Variants in CASTOR2 observed in about 807,000 individuals in gnomAD.
CASTOR2 encodes GATS protein like 2.
CASTOR2 carries 8 observed loss-of-function variants against 31.2 expected under a neutral mutation model. That is an observed-to-expected ratio of 0.26 (90% CI 0.15 to 0.46). The LOEUF is 0.46. Among genes scored for constraint, CASTOR2 ranks in the 20% least tolerant of loss-of-function variants. The probability of loss-of-function intolerance (pLI) is 0.99; values close to 1 mark genes in which losing one functional copy is unlikely to be tolerated. For missense variants in CASTOR2, 216 were observed against 382.1 expected, an observed-to-expected ratio of 0.57 and a Z score of 3.62; for synonymous variants, 162 against 158.7, an observed-to-expected ratio of 1.02 and a Z score of -0.16.
chr7:74,993,080 G>GT (rs1313798194), intron 1 of CASTOR2, among the ~76,000 whole-genome samples: 1 of 151,850 alleles, frequency 6.6e-6, no homozygotes, highest in African/African-American at 2.4e-5. Flanking sequence ...CGCGCCTGTA[G>GT]TCCCAGCTAC....
At chr7:74,999,934 G>A (rs1287658371) in intron 1 of CASTOR2, among the ~76,000 whole-genome samples, 1 of 152,156 alleles carries the variant, frequency 6.6e-6, no homozygotes, top group Non-Finnish European at 1.5e-5. Flanking sequence ...GTTTTAAAAG[G>A]CCCCTGTCAG....
chr7:74,997,296 C>T (rs1180138167), intron 1 of CASTOR2, among the ~76,000 whole-genome samples: 1 of 151,996 alleles, frequency 6.6e-6, no homozygotes, highest in Non-Finnish European at 1.5e-5. Flanking sequence ...GTGCTTTTAT[C>T]TGCAAAGGGA....
At position 75,024,662 on chromosome 7, in the gene CASTOR2, T is replaced by G; in HGVS notation, c.953T>G (p.Ile318Ser). 6.4e-7 allele frequency: 1 copy of G among 1,551,568 alleles called. No individual in the cohort carries two copies. Among genetic ancestry groups the G allele is most frequent in the Non-Finnish European group, 8.7e-7 (1 of 1,146,846 alleles). Residue 318 changes from isoleucine to serine, a missense_variant, in exon 9 of 9, where the codon ATC becomes AGC. Physicochemically the swap from Ile to Ser is moderately radical, Grantham distance 142. This residue lies in a region of CASTOR2 where 31 missense variants were observed against 32.7 expected (regional missense o/e 0.95). Coordinates refer to ENST00000616305, the MANE Select transcript of CASTOR2 (RefSeq NM_001145064.3). ...LVPEENINGV[I>S]SALKVSQAEK... ...CCCGAAGAGAACATCAATGGTGTCA[T>G]CAGTGCCCTGAAGGTCAGCCAAGCA...
At chr7:75,017,263 A>G (rs1207317505) in intron 2 of CASTOR2, among the ~76,000 whole-genome samples, 85 of 152,286 alleles carry the variant, frequency 5.6e-4, no homozygotes, top group Admixed American at 2.2e-3. Context: ...CCTGGCCAAC[A>G]TGGTGAAACC....
Position 75,008,141 on chromosome 7 carries a change from GT to G in CASTOR2, c.184+78del, listed in dbSNP as rs1342777403. The G allele has an allele frequency of 6.1e-6, 9 of 1,473,684 alleles. No individual in the cohort carries two copies. In the East Asian group the frequency reaches 9.2e-5, roughly 15 times the overall value. 91.3% of individuals were successfully genotyped at this position (1,473,684 alleles called of 1,614,324 possible). On this transcript the variant is annotated intron_variant, in intron 2 of 8. Transcript: ENST00000616305. ...GCTGGCTGCCCACCTCCTTATTTCT[GT>G]CCCCCGCCCACCTCCTTATTTCTGC...
In CASTOR2 at chr7:75,026,912, C is replaced by A. The variant is rs891259326; in HGVS notation, c.*2213C>A. ...CAGAGTCGTGTGTCCCCTAGACTTC[C>A]TAGGACGTATCTATTGTACACACCT... is the stretch of plus-strand genomic sequence containing the variant. On this transcript the variant is annotated 3_prime_UTR_variant, in exon 9 of 9. Transcript: ENST00000616305. Among the ~76,000 whole-genome samples, 3 of 152,044 alleles carry A rather than the reference C, an allele frequency of 2.0e-5. No homozygotes were observed. The highest frequency in any genetic ancestry group is 4.4e-5 in the Non-Finnish European group (3 of 67,970).
intron 1 of CASTOR2, among the ~76,000 whole-genome samples, chr7:74,979,092 G>A (rs1218537287): frequency 1.3e-5 from 2 of 152,052 alleles, no homozygotes; most frequent in South Asian, 2.1e-4. Context: ...GCTTGACCCC[G>A]GGAGGTAGAG....
rs1321469010 is a variant in CASTOR2, at chr7:75,012,993, G to A, written c.185-4605G>A. On this transcript the variant is annotated intron_variant, in intron 2 of 8. Coordinates refer to ENST00000616305, the MANE Select transcript of CASTOR2 (RefSeq NM_001145064.3). Reference sequence around the variant, plus strand: ...TTTTGTAGAGGATTCTCACTATGTTGCCTATGCTGGTCTGGAACTCCTGGC... The same window carrying A: ...TTTTGTAGAGGATTCTCACTATGTTACCTATGCTGGTCTGGAACTCCTGGC... 3.3e-5 allele frequency among the ~76,000 whole-genome samples: 5 copies of A among 152,152 alleles called. No individual in the cohort carries two copies. The East Asian group carries it at 9.6e-4, about 29-fold the overall frequency.
chr7:75,016,192 C>T (rs1424086125), intron 2 of CASTOR2, among the ~76,000 whole-genome samples: 1 of 152,178 alleles, frequency 6.6e-6, no homozygotes, highest in Non-Finnish European at 1.5e-5. Context: ...GTATGAAGAG[C>T]CCCGAATGCA....
intron 1 of CASTOR2, among the ~76,000 whole-genome samples, chr7:74,989,122 G>A (rs1453759385): frequency 3.4e-4 from 51 of 151,792 alleles, no homozygotes; most frequent in African/African-American, 1.1e-3. Flanking sequence ...CACCATGCCC[G>A]GCTAATTTTT....
At chr7:75,003,076 A>G (rs1328795955) in intron 1 of CASTOR2, among the ~76,000 whole-genome samples, 3 of 152,180 alleles carry the variant, frequency 2.0e-5, no homozygotes, top group African/African-American at 7.2e-5. Context: ...AAGCAAGGAC[A>G]GGAGGGTTAA....
intron 2 of CASTOR2, among the ~76,000 whole-genome samples, chr7:75,009,109 G>A (rs1463622272): frequency 2.6e-4 from 37 of 143,020 alleles, no homozygotes; most frequent in African/African-American, 2.6e-4. Flanking sequence ...GGTGCCCGCC[G>A]CCACGCCCGG....
In CASTOR2 at chr7:75,028,157, G is replaced by A. The variant is rs1337690604; in HGVS notation, c.*3458G>A. The A allele has an allele frequency of 1.7e-5, 23 of 1,341,012 alleles. No individual in the cohort carries two copies. In the African/African-American group the frequency reaches 2.3e-4, roughly 13 times the overall value. 83.1% of individuals were successfully genotyped at this position (1,341,012 alleles called of 1,614,324 possible). A position where few individuals can be genotyped will look rare whatever the true frequency, so the allele number is the denominator to read the frequency against. ...TTTTGAGACGGAGTCTTGCTCTGTC[G>A]CCCAGGCTGGAGTGCTGTGGCATGA... On this transcript the variant is annotated 3_prime_UTR_variant, in exon 9 of 9. Transcript: ENST00000616305.
intron 7 of CASTOR2, among the ~76,000 whole-genome samples, chr7:75,023,861 C>T (rs1350360654): frequency 6.6e-6 from 1 of 152,184 alleles, no homozygotes; most frequent in Admixed American, 6.5e-5. Context: ...CATCTTGCAC[C>T]AGGCCCCACC....
At chr7:75,022,471 C>G (rs982256553) in intron 7 of CASTOR2, among the ~76,000 whole-genome samples, 2 of 85,032 alleles carry the variant, frequency 2.4e-5, no homozygotes, top group African/African-American at 3.9e-5. Context: ...TGCCATTGTA[C>G]TCCAACCTGG....
At position 75,021,907 on chromosome 7, in the gene CASTOR2, C is replaced by T. The variant is rs912651427; in HGVS notation, c.780C>T (p.Ser260=). 2.1e-4 allele frequency: 322 copies of T among 1,551,858 alleles called. 2 individuals carry two copies. In the East Asian group the frequency reaches 5.2e-3, roughly 25 times the overall value. Reference sequence around the variant, plus strand: ...GTAACTTGCTGTTCACAAGCGCATCCGGAGAGCTCTGGAAGATGGTCCGGA... The same window carrying T: ...GTAACTTGCTGTTCACAAGCGCATCTGGAGAGCTCTGGAAGATGGTCCGGA... ...FPSNLLFTSA[S]GELWKMVRIG... Residue 260 remains serine (S), a synonymous_variant, in exon 7 of 9, where the codon TCC becomes TCT. Coordinates refer to ENST00000616305, the MANE Select transcript of CASTOR2 (RefSeq NM_001145064.3).
At chr7:74,991,587 G>T (rs1554437364) in intron 1 of CASTOR2, among the ~76,000 whole-genome samples, 1 of 152,186 alleles carries the variant, frequency 6.6e-6, no homozygotes, top group Non-Finnish European at 1.5e-5. Context: ...CCAGGGTGGA[G>T]TTGGTAAACT....
At position 75,014,790 on chromosome 7, in the gene CASTOR2, C is replaced by T. The variant is rs1198887705; in HGVS notation, c.185-2808C>T. 2.2e-3 allele frequency among the ~76,000 whole-genome samples: 342 copies of T among 152,302 alleles called. 1 individual carries two copies. Among genetic ancestry groups the T allele is most frequent in the Non-Finnish European group, 7.9e-4 (54 of 68,028 alleles). On this transcript the variant is annotated intron_variant, in intron 2 of 8. Coordinates refer to ENST00000616305, the MANE Select transcript of CASTOR2 (RefSeq NM_001145064.3). The stretch of plus-strand genomic sequence containing the variant: ...CTCAGGCCTGGGCTTCTCCCCAAGA[C>T]CACTCTGGGTCTCATCCAAACCTGC...
chr7:75,030,372 T>C lies in CASTOR2; in HGVS notation c.*5673T>C, dbSNP rs1805268020. ...GTCAGGCCTTGAGTGCAGAAATGAT[T>C]AGGTGAGTGAGGGCAGGACTCGAAT... On this transcript the variant is annotated 3_prime_UTR_variant, in exon 9 of 9. Transcript: ENST00000616305. Among the ~76,000 whole-genome samples the C allele has an allele frequency of 6.6e-6, 1 of 152,078 alleles. No homozygotes were observed. Among genetic ancestry groups the C allele is most frequent in the South Asian group, 2.1e-4 (1 of 4,822 alleles).
Sources: allele counts gnomAD v4.1 joint callset (sites outside exome capture counted in the v4.1 genomes callset), GRCh38; gene constraint gnomAD v4.1.1; regional missense constraint gnomAD v4.1.1; transcripts MANE v1.5; gene names NCBI Gene and HGNC (gene_info 2026-07-23, HGNC 2026-07-21).